SEMA3C: variants seen among roughly 807,000 people sequenced by gnomAD.
The protein encoded by SEMA3C is semaphorin-3C.
SEMA3C carries 47 observed loss-of-function variants against 89.4 expected under a neutral mutation model. The ratio of observed to expected loss-of-function variants is 0.53; its 90% CI spans 0.42 to 0.67. The LOEUF (loss-of-function observed/expected upper bound fraction) is 0.67, where lower values mean the gene tolerates loss of function less well. SEMA3C is among the 30% of genes least tolerant of loss of function. The pLI, the probability that SEMA3C is intolerant of heterozygous loss-of-function variation, is 0.00. For synonymous variants in SEMA3C, 310 were observed against 320.2 expected, an observed-to-expected ratio of 0.97 and a Z score of 0.34; for missense variants, 839 against 929.1, an observed-to-expected ratio of 0.90 and a Z score of 1.26.
Position 80,916,837 on chromosome 7 carries a change from C to T in SEMA3C, c.-38-18G>A, listed in dbSNP as rs1361989474. ...GAAAATACCTTTAAGAGAGAGACAA[C>T]ATGTTTGTTATATCTCATTTCACAT... On this transcript the variant is annotated intron_variant, in intron 1 of 17. Transcript: ENST00000265361. 1 of 1,601,614 alleles carries T rather than the reference C, an allele frequency of 6.2e-7. No homozygotes were observed. Among genetic ancestry groups the T allele is most frequent in the Non-Finnish European group, 8.5e-7 (1 of 1,173,970 alleles).
chr7:80,885,935 A>G (rs1481401742), intron 2 of SEMA3C, among the ~76,000 whole-genome samples: 1 of 152,220 alleles, frequency 6.6e-6, no homozygotes. Flanking sequence ...ATTAGTTTAT[A>G]CAAACCTGCT....
rs574358457 is a variant in SEMA3C at position 80,795,711 on chromosome 7, A to T, written c.1131+2381T>A. ...ATGGTTTTCTCACAGTGATGCTCTG[A>T]GTTCTATACACCTGTTAAGGTGCCT... On this transcript the variant is annotated intron_variant, in intron 11 of 17. Coordinates refer to ENST00000265361, the MANE Select transcript of SEMA3C (RefSeq NM_006379.5). Among the ~76,000 whole-genome samples, 207 of 152,278 alleles carry T rather than the reference A, an allele frequency of 1.4e-3. 1 individual carries two copies. The highest frequency in any genetic ancestry group is 4.4e-3 in the African/African-American group (181 of 41,546).
chr7:80,805,708 C>T lies in SEMA3C; in HGVS notation c.589G>A (p.Ala197Thr). The change falls in exon 7 of 18, where the codon GCT becomes ACT. Residue 197 changes from alanine (A) to threonine (T), a missense_variant. By Grantham distance (58) the Ala-to-Thr change is moderately conservative. Transcript: ENST00000265361. ...CTCTTGGTTAAACTTCGAAAAATAG[C>T]AGCATCTGTCCCCATGAAATCTATA... ...MYIDFMGTDA[A>T]IFRSLTKRNA... The T allele has an allele frequency of 6.2e-7, 1 of 1,609,156 alleles. No homozygotes were observed. Among genetic ancestry groups the T allele is most frequent in the Non-Finnish European group, 8.5e-7 (1 of 1,176,018 alleles).
intron 2 of SEMA3C, among the ~76,000 whole-genome samples, chr7:80,914,414 C>T (rs1021850672): frequency 4.2e-5 from 6 of 143,924 alleles, no homozygotes; most frequent in Non-Finnish European, 9.6e-5. Context: ...ACTGTGAAAT[C>T]TCCTAAGAAA....
At chr7:80,801,959 T>A (rs1789219544) in intron 9 of SEMA3C, among the ~76,000 whole-genome samples, 1 of 152,148 alleles carries the variant, frequency 6.6e-6, no homozygotes, top group Non-Finnish European at 1.5e-5. Flanking sequence ...GATTTATAAC[T>A]TATCACCTGT....
intron 2 of SEMA3C, among the ~76,000 whole-genome samples, chr7:80,902,271 G>A (rs1440116156): frequency 6.6e-6 from 1 of 152,108 alleles, no homozygotes; most frequent in Non-Finnish European, 1.5e-5. Flanking sequence ...GTTTTAATAA[G>A]AACAAGTAAA....
At chr7:80,785,852 C>T (rs1417083531) in intron 12 of SEMA3C, among the ~76,000 whole-genome samples, 1 of 152,254 alleles carries the variant, frequency 6.6e-6, no homozygotes, top group African/African-American at 2.4e-5. Context: ...AGGTGATCTG[C>T]TGGCCTTGGC....
chr7:80,836,957 G>T (rs1196352703), intron 2 of SEMA3C, among the ~76,000 whole-genome samples: 1 of 152,080 alleles, frequency 6.6e-6, no homozygotes, highest in East Asian at 1.9e-4. Context: ...TAATTACCTT[G>T]AATGGTTTTC....
chr7:80,819,016 C>T (rs1249358571), intron 4 of SEMA3C, among the ~76,000 whole-genome samples: 1 of 152,208 alleles, frequency 6.6e-6, no homozygotes, highest in Non-Finnish European at 1.5e-5. Flanking sequence ...ACACAAAAAT[C>T]TCTACCCTTG....
At chr7:80,879,731 T>G (rs535523142) in intron 2 of SEMA3C, among the ~76,000 whole-genome samples, 1 of 152,316 alleles carries the variant, frequency 6.6e-6, no homozygotes, top group Non-Finnish European at 1.5e-5. Flanking sequence ...TTAGCTTTTG[T>G]TGAGGTAATA....
intron 4 of SEMA3C, among the ~76,000 whole-genome samples, chr7:80,825,164 A>C (rs1789841770): frequency 1.3e-5 from 2 of 152,142 alleles, no homozygotes; most frequent in Admixed American, 6.6e-5. Flanking sequence ...ATTTCACATT[A>C]TTTTTCTGCT....
chr7:80,846,538 C>A (rs959884154), intron 2 of SEMA3C, among the ~76,000 whole-genome samples: 4 of 151,982 alleles, frequency 2.6e-5, no homozygotes, highest in African/African-American at 9.7e-5. Context: ...TGTTTATTTG[C>A]TCAGCTGGTC....
intron 2 of SEMA3C, among the ~76,000 whole-genome samples, chr7:80,874,392 C>G (rs1791147328): frequency 6.6e-6 from 1 of 152,094 alleles, no homozygotes; most frequent in African/African-American, 2.4e-5. Context: ...ATTGTTTTTA[C>G]AGCAAGGGTA....
intron 17 of SEMA3C, among the ~76,000 whole-genome samples, chr7:80,745,762 G>A (rs182702742): frequency 8.0e-4 from 122 of 152,012 alleles, no homozygotes; most frequent in African/African-American, 2.8e-3. Flanking sequence ...CACAATTAAA[G>A]GGTGAATTTT....
In SEMA3C at chr7:80,904,449, G is replaced by T. The variant is rs529505325; in HGVS notation, c.103+12230C>A. On this transcript the variant is annotated intron_variant, in intron 2 of 17. Coordinates refer to ENST00000265361, the MANE Select transcript of SEMA3C (RefSeq NM_006379.5). ...TTTTCTAAATCATGGCTTTGAAATGGATCTTCACATTCCACACAGAGTAAG... is the reference window on the plus strand; with the variant it reads ...TTTTCTAAATCATGGCTTTGAAATGTATCTTCACATTCCACACAGAGTAAG... Among the ~76,000 whole-genome samples, 17 of 152,274 alleles carry T rather than the reference G, an allele frequency of 1.1e-4. No individual in the cohort carries two copies. The South Asian group carries it at 2.7e-3, about 24-fold the overall frequency.
At chr7:80,905,024 A>T (rs1287774005) in intron 2 of SEMA3C, among the ~76,000 whole-genome samples, 1 of 151,848 alleles carries the variant, frequency 6.6e-6, no homozygotes, top group African/African-American at 2.4e-5. Context: ...CAAACTGCTG[A>T]TGAAAATGAA....
At chr7:80,850,423 A>G (rs1347178528) in intron 2 of SEMA3C, among the ~76,000 whole-genome samples, 1 of 152,222 alleles carries the variant, frequency 6.6e-6, no homozygotes, top group Non-Finnish European at 1.5e-5. Flanking sequence ...TTTTCTTACA[A>G]TGCAATAAAA....
chr7:80,799,786 G>A (rs1053521575), intron 10 of SEMA3C, among the ~76,000 whole-genome samples: 26 of 151,938 alleles, frequency 1.7e-4, no homozygotes, highest in Non-Finnish European at 2.6e-4. Context: ...TCCAGGAGGC[G>A]GAGGTTGCAG....
intron 2 of SEMA3C, among the ~76,000 whole-genome samples, chr7:80,870,550 G>A (rs534889945): frequency 5.3e-5 from 8 of 152,126 alleles, no homozygotes; most frequent in Middle Eastern, 3.4e-3. Context: ...ACACAGACAG[G>A]GCGTACCACG....
Sources: allele counts gnomAD v4.1 joint callset (sites outside exome capture counted in the v4.1 genomes callset), GRCh38; gene constraint gnomAD v4.1.1; transcripts MANE v1.5; gene names NCBI Gene and HGNC (gene_info 2026-07-23, HGNC 2026-07-21).